ASZ1: variants seen among roughly 807,000 people sequenced by gnomAD.
The protein encoded by ASZ1 is ankyrin repeat, SAM and basic leucine zipper domain containing 1.
In ASZ1, 67 loss-of-function variants were observed where a neutral mutation model predicts 61.8. That is an observed-to-expected ratio of 1.08 (90% confidence interval 0.89 to 1.33). ASZ1 has a LOEUF of 1.33. Among genes scored for constraint, ASZ1 ranks in the 40% most tolerant of loss-of-function variants. The pLI is 0.00. For missense variants in ASZ1, 577 were observed against 554.5 expected (o/e 1.04, Z -0.41); for synonymous variants, 193 against 192.7 (o/e 1.00, Z -0.01).
chr7:117,414,581 C>T (rs931710345), intron 4 of ASZ1, among the ~76,000 whole-genome samples: 2 of 151,972 alleles, frequency 1.3e-5, no homozygotes, highest in South Asian at 4.2e-4. Flanking sequence ...GTTTGTGCAC[C>T]CATAAACCCG....
intron 4 of ASZ1, among the ~76,000 whole-genome samples, chr7:117,414,485 ATTAT>A (rs1772553583): frequency 1.3e-5 from 2 of 152,128 alleles, no homozygotes; most frequent in South Asian, 2.1e-4. Context: ...TAAAAATTTA[ATTAT>A]TTATTTTTAT....
rs181728393 is a variant in ASZ1, at chr7:117,425,685, A to C, written c.205+1151T>G. ...GCCCAGGACAGAATTATGATGCTTT[A>C]CATAAAGAAACTGATGCTCTCTGGC... is the stretch of plus-strand genomic sequence containing the variant. On this transcript the variant is annotated intron_variant, in intron 2 of 12. Coordinates refer to ENST00000284629, the MANE Select transcript of ASZ1 (RefSeq NM_130768.3). Among the ~76,000 whole-genome samples, 1,209 of 152,110 alleles carry C rather than the reference A, an allele frequency of 7.9e-3. 19 individuals carry two copies. Among genetic ancestry groups the C allele is most frequent in the African/African-American group, 0.028 (1,146 of 41,494 alleles).
intron 4 of ASZ1, among the ~76,000 whole-genome samples, chr7:117,387,006 A>T (rs981398238): frequency 3.3e-5 from 5 of 151,972 alleles, no homozygotes; most frequent in African/African-American, 1.2e-4. Context: ...AACATAAAAA[A>T]ATATATACAA....
intron 4 of ASZ1, among the ~76,000 whole-genome samples, chr7:117,386,045 T>C (rs926009415): frequency 6.6e-6 from 1 of 152,150 alleles, no homozygotes; most frequent in African/African-American, 2.4e-5. Context: ...AATAAATGTA[T>C]TAAAAATACA....
intron 4 of ASZ1, among the ~76,000 whole-genome samples, chr7:117,397,415 A>C (rs1348415639): frequency 6.6e-6 from 1 of 152,250 alleles, no homozygotes; most frequent in Non-Finnish European, 1.5e-5. Flanking sequence ...AGACTAATCA[A>C]TTATTATTAA....
chr7:117,394,601 T>C (rs1796543376), intron 4 of ASZ1, among the ~76,000 whole-genome samples: 1 of 152,226 alleles, frequency 6.6e-6, no homozygotes, highest in African/African-American at 2.4e-5. Flanking sequence ...GAAACATTCT[T>C]GGTCTTTATT....
intron 4 of ASZ1, among the ~76,000 whole-genome samples, chr7:117,401,227 T>C (rs1360337956): frequency 1.3e-5 from 2 of 151,908 alleles, no homozygotes; most frequent in Admixed American, 6.6e-5. Flanking sequence ...TAAATCTCAA[T>C]TGGAGAGGAG....
chr7:117,397,704 T>C (rs960843169), intron 4 of ASZ1, among the ~76,000 whole-genome samples: 1 of 152,236 alleles, frequency 6.6e-6, no homozygotes, highest in Non-Finnish European at 1.5e-5. Flanking sequence ...CAATTCATGC[T>C]AACTTCCTAA....
chr7:117,423,687 TAC>T (rs1176373020), intron 2 of ASZ1, among the ~76,000 whole-genome samples: 1,445 of 37,212 alleles, frequency 0.039, 20 homozygotes, highest in African/African-American at 0.11. Flanking sequence ...CTACTAAAAA[TAC>T]AAAAAAAAAA....
Position 117,415,927 on chromosome 7 carries a change from A to G in ASZ1, c.440+4236T>C, listed in dbSNP as rs1208353118. 2.0e-5 allele frequency among the ~76,000 whole-genome samples: 3 copies of G among 152,242 alleles called. No individual in the cohort carries two copies. In the East Asian group the frequency reaches 5.8e-4, roughly 29 times the overall value. On this transcript the variant is annotated intron_variant, in intron 4 of 12. Transcript: ENST00000284629. Reference sequence around the variant, plus strand: ...AGGAGTGGGCCAGGCGCAGTGACTCATGCCTGTAATCCCAACACTTTGGGA... The same window carrying G: ...AGGAGTGGGCCAGGCGCAGTGACTCGTGCCTGTAATCCCAACACTTTGGGA...
intron 4 of ASZ1, among the ~76,000 whole-genome samples, chr7:117,416,787 T>A (rs1298728043): frequency 6.6e-6 from 1 of 152,222 alleles, no homozygotes; most frequent in Non-Finnish European, 1.5e-5. Context: ...AGTTAAAAAA[T>A]TTAAACTATT....
In ASZ1 at chr7:117,402,951, T is replaced by TTCCA. The variant is rs1796708252; in HGVS notation, c.441-17143_441-17142insTGGA. On this transcript the variant is annotated intron_variant, in intron 4 of 12. Coordinates refer to ENST00000284629, the MANE Select transcript of ASZ1 (RefSeq NM_130768.3). ...AAAGGTGGGGCTGCAGTTTGTGAGG[T>TTCCA]AGAAAAAGACTTAGCATGATATCAT... Among the ~76,000 whole-genome samples, 12 of 31,294 alleles carry TTCCA rather than the reference T, an allele frequency of 3.8e-4. No homozygotes were observed. In the Admixed American group the frequency reaches 4.8e-3, roughly 13 times the overall value. The allele number at this position is 31,294 out of a possible 152,430, so 20.5% of individuals were successfully genotyped here.
chr7:117,423,278 A>G (rs1797132389), intron 2 of ASZ1, among the ~76,000 whole-genome samples: 1 of 152,052 alleles, frequency 6.6e-6, no homozygotes, highest in Non-Finnish European at 1.5e-5. Context: ...CTGTATAAAC[A>G]CCGGGTCACT....
intron 2 of ASZ1, 57 bp downstream of exon 2, chr7:117,426,778 AG>A (rs1797225256): frequency 7.1e-7 from 1 of 1,416,792 alleles, no homozygotes; most frequent in African/African-American, 1.4e-5. Flanking sequence ...TTAAAAATAA[AG>A]AATCCTTGCG....
At chr7:117,372,764 T>C (rs1796071032) in intron 10 of ASZ1, among the ~76,000 whole-genome samples, 1 of 152,200 alleles carries the variant, frequency 6.6e-6, no homozygotes, top group African/African-American at 2.4e-5. Flanking sequence ...TCTCAGAATA[T>C]TTTCTTATAA....
At chr7:117,418,162 C>T (rs1349280658) in intron 4 of ASZ1, among the ~76,000 whole-genome samples, 4 of 151,844 alleles carry the variant, frequency 2.6e-5, no homozygotes, top group African/African-American at 7.3e-5. Flanking sequence ...TAGAGGCAGT[C>T]GGAAAAAAAG....
Position 117,384,722 on chromosome 7 carries a change from A to AT in ASZ1, c.687+3dup. ...AAATAAGTTTAATATGTACAGAAGG[A>AT]TACCTCATGATGTTTGTTTCTTTTT... On this transcript the variant is annotated splice_donor_region_variant and intron_variant, in intron 6 of 12. Transcript: ENST00000284629. The AT allele has an allele frequency of 6.2e-7, 1 of 1,611,152 alleles. No homozygotes were observed. The highest frequency in any genetic ancestry group is 8.5e-7 in the Non-Finnish European group (1 of 1,178,434).
chr7:117,399,074 T>A (rs28388270), intron 4 of ASZ1, among the ~76,000 whole-genome samples: 5 of 151,856 alleles, frequency 3.3e-5, no homozygotes, highest in African/African-American at 7.2e-5. Flanking sequence ...ACAAAAAATT[T>A]AAAAAATTAG....
Position 117,383,083 on chromosome 7 carries a change from T to C in ASZ1, c.715A>G (p.Asn239Asp). The change falls in exon 7 of 13, where the codon AAT becomes GAT. Residue 239 changes from asparagine (N) to aspartate (D), a missense_variant. By Grantham distance (23) the Asn-to-Asp change is conservative. Coordinates refer to ENST00000284629, the MANE Select transcript of ASZ1 (RefSeq NM_130768.3). ...TGTTGAAGTTTTCCTTCCAATGGAT[T>C]TAAAGTAAAAGAAAGTAAGTTGAAG... Reference protein sequence around the residue: ...EIFNLLSFTLNPLEGKLQQLT... With the variant: ...EIFNLLSFTLDPLEGKLQQLT... 6.4e-7 allele frequency: 1 copy of C among 1,574,190 alleles called. No homozygotes were observed. The highest frequency in any genetic ancestry group is 8.6e-7 in the Non-Finnish European group (1 of 1,163,368).
Sources: gnomAD v4.1 joint callset for allele counts (sites outside exome capture counted in the v4.1 genomes callset) on GRCh38, gnomAD v4.1.1 for gene constraint, MANE v1.5 for transcripts, NCBI Gene and HGNC (gene_info 2026-07-23, HGNC 2026-07-21) for gene names.